TGM5: variants seen among roughly 807,000 people sequenced by gnomAD.
TGM5 encodes protein-glutamine gamma-glutamyltransferase 5.
Under a neutral mutation model 77.2 loss-of-function variants are expected in TGM5, and 69 were observed. The ratio of observed to expected loss-of-function variants is 0.89; its 90% confidence interval spans 0.74 to 1.09. The LOEUF is 1.09. Among genes scored for constraint, TGM5 ranks in the 50% least tolerant of loss-of-function variants. The pLI is 0.00. For missense variants in TGM5, 842 were observed against 896.5 expected, an observed-to-expected ratio of 0.94 and a Z score of 0.78; for synonymous variants, 346 against 351.8, an observed-to-expected ratio of 0.98 and a Z score of 0.18.
intron 1 of TGM5, chr15:43,260,783 T>A: frequency 1.5e-6 from 1 of 674,838 alleles, no homozygotes; most frequent in South Asian, 1.6e-5. Context: ...CGCTTTCCTC[T>A]TTTTTCCTTC....
chr15:43,235,341 A>T, intron 10 of TGM5, 128 bp downstream of exon 10: 1 of 1,282,864 alleles, frequency 7.8e-7, no homozygotes. Flanking sequence ...AAGGAGGGGA[A>T]TCGTGCCAGA....
intron 1 of TGM5, among the ~76,000 whole-genome samples, chr15:43,264,476 C>T (rs1004627556): frequency 2.6e-4 from 40 of 151,776 alleles, no homozygotes; most frequent in African/African-American, 9.7e-4. Flanking sequence ...TATGGATGAA[C>T]CTTGAAAATA....
chr15:43,245,902 G>A (rs879695336), intron 6 of TGM5, among the ~76,000 whole-genome samples: 1 of 147,910 alleles, frequency 6.8e-6, no homozygotes, highest in African/African-American at 2.5e-5. Context: ...TGTGTGTTGG[G>A]GGGGGGGGTC....
At chr15:43,247,877 T>A (rs2042679171) in intron 6 of TGM5, 3 of 152,162 alleles carry the variant, frequency 2.0e-5, no homozygotes, top group African/African-American at 7.2e-5. Flanking sequence ...TGCACAAAGA[T>A]AATAATATGA....
chr15:43,235,891 C>T, intron 9 of TGM5, 54 bp from the exon 10 acceptor site: 1 of 1,607,248 alleles, frequency 6.2e-7, no homozygotes, highest in Non-Finnish European at 8.5e-7. Context: ...CCGGGGTAGA[C>T]TGAGGCTGAG....
chr15:43,253,762 C>G (rs1383264751), intron 4 of TGM5, 128 bp from the exon 5 acceptor site: 4 of 1,325,372 alleles, frequency 3.0e-6, no homozygotes, highest in East Asian at 2.3e-5. Flanking sequence ...TCAAACAGAA[C>G]AGCCATGAAT....
chr15:43,245,569 T>C (rs775504632), intron 6 of TGM5, among the ~76,000 whole-genome samples: 3 of 152,164 alleles, frequency 2.0e-5, no homozygotes, highest in Non-Finnish European at 4.4e-5. Flanking sequence ...TTTTCCATGA[T>C]AATCTCCGGT....
rs532247438 is a variant in TGM5 at position 43,240,924 on chromosome 15, C to T, written c.929G>A (p.Gly310Glu). The T allele has an allele frequency of 2.7e-5, 43 of 1,614,204 alleles. No individual in the cohort carries two copies. Among genetic ancestry groups the T allele is most frequent in the Middle Eastern group, 1.6e-4 (1 of 6,062 alleles). The change falls in exon 7 of 13, where the codon GGA becomes GAA. Residue 310 changes from glycine (G) to glutamate (E), a missense_variant. Physicochemically the swap from Gly to Glu is moderately conservative, Grantham distance 98. This residue lies in a region of TGM5 where 815 missense variants were observed against 844.6 expected (regional missense o/e 0.96). Transcript: ENST00000220420. ...TNFDSGHDTD[G>E]NLIIDEYYDN... ...ATAATACTCATCTATGATCAGGTTT[C>T]CATCTGTATCGTGGCCAGAGTCGAA...
chr15:43,246,567 C>G (rs562314474), intron 6 of TGM5, among the ~76,000 whole-genome samples: 24 of 152,308 alleles, frequency 1.6e-4, no homozygotes, highest in Admixed American at 3.9e-4. Context: ...AGAGCAGCAT[C>G]CAGGCCACAA....
chr15:43,256,703 G>A lies in TGM5; in HGVS notation c.437-17C>T, dbSNP rs1221837097. Reference sequence around the variant, plus strand: ...CAGCATCCTCTAGGAACCAGAGTGGGAGGGCACGAAGCAGAAAAGTCACCT... The same window carrying A: ...CAGCATCCTCTAGGAACCAGAGTGGAAGGGCACGAAGCAGAAAAGTCACCT... On this transcript the variant is annotated splice_polypyrimidine_tract_variant and intron_variant, in intron 3 of 12. Transcript: ENST00000220420. The A allele has an allele frequency of 6.4e-7, 1 of 1,569,616 alleles. No homozygotes were observed. Among genetic ancestry groups the A allele is most frequent in the South Asian group, 1.1e-5 (1 of 90,158 alleles).
intron 6 of TGM5, among the ~76,000 whole-genome samples, chr15:43,250,504 T>A (rs825735): frequency 0.041 from 6,234 of 152,290 alleles, 257 homozygotes; most frequent in Non-Finnish European, 0.056. Context: ...CTGTCAGGGT[T>A]TTAGCACAGT....
chr15:43,246,821 G>A (rs1199233866), intron 6 of TGM5, among the ~76,000 whole-genome samples: 8 of 152,128 alleles, frequency 5.3e-5, no homozygotes, highest in Non-Finnish European at 7.4e-5. Flanking sequence ...GAGTGGAGAC[G>A]CCTCATAATA....
Position 43,233,200 on chromosome 15 carries a change from A to G in TGM5, c.2154T>C (p.Phe718=). ...CGCGTTGTTCCAGAATTTATAATGC[A>G]AAGTCTACATAAACATTCCTGTAAC... ...IKGYRNVYVD[F]AL is the part of the protein sequence containing the mutation. The change falls in exon 13 of 13, where the codon TTT becomes TTC. Residue 718 remains phenylalanine (F), a synonymous_variant. Coordinates refer to ENST00000220420, the MANE Select transcript of TGM5 (RefSeq NM_201631.4). 3 of 1,614,158 alleles carry G rather than the reference A, an allele frequency of 1.9e-6. No individual in the cohort carries two copies. Among genetic ancestry groups the G allele is most frequent in the Non-Finnish European group, 2.5e-6 (3 of 1,180,032 alleles).
chr15:43,261,952 C>T (rs1265301737), intron 1 of TGM5, among the ~76,000 whole-genome samples: 1 of 152,224 alleles, frequency 6.6e-6, no homozygotes, highest in East Asian at 1.9e-4. Flanking sequence ...AAGGCACATT[C>T]CTTAACTTGA....
chr15:43,241,082 C>A, intron 6 of TGM5, 92 bp from the exon 7 acceptor site: 1 of 1,540,740 alleles, frequency 6.5e-7, no homozygotes. Flanking sequence ...GGGAAATCTT[C>A]CATTTGCCAT....
In TGM5 at chr15:43,253,578, G is replaced by A; in HGVS notation, c.612C>T (p.Phe204=). Residue 204 remains phenylalanine (F), a synonymous_variant, in exon 5 of 13, where the codon TTC becomes TTT. Coordinates refer to ENST00000220420, the MANE Select transcript of TGM5 (RefSeq NM_201631.4). The stretch of plus-strand genomic sequence containing the variant: ...CACAGTCTGTGGCTGGGTCAGTCTG[G>A]AAGTGCAGGCTCTTGTCTAGCAGCT... The part of the protein sequence containing the change: ...CLKLLDKSLH[F]QTDPATDCAL... 6.2e-7 allele frequency: 1 copy of A among 1,613,896 alleles called. No individual in the cohort carries two copies.
chr15:43,252,853 C>T lies in TGM5; in HGVS notation c.768G>A (p.Thr256=), dbSNP rs200482481. ...ACTGCTTCAGGATGGCCACGCTGCC[C>T]GTCCACTCCGCAGGGTTGGCGCCGT... is the stretch of plus-strand genomic sequence containing the variant. ...YTDGANPAEW[T]GSVAILKQWN... is the part of the protein sequence containing the mutation. The change falls in exon 6 of 13, where the codon ACG becomes ACA. Residue 256 remains threonine (T), a synonymous_variant. Transcript: ENST00000220420. 94 of 1,613,958 alleles carry T rather than the reference C, an allele frequency of 5.8e-5. No homozygotes were observed. In the East Asian group the frequency reaches 1.3e-3, roughly 23 times the overall value.
At position 43,260,101 on chromosome 15, in the gene TGM5, C is replaced by A. The variant is rs781570609; in HGVS notation, c.387G>T (p.Thr129=). Residue 129 remains threonine, a synonymous_variant, in exon 3 of 13, where the codon ACG becomes ACT. Transcript: ENST00000220420. ...GGATGAACTCCCCTAGCTGGTAGGC[C>A]GTCACAGACCCCTGGAAGGAGTCGA... The part of the protein sequence containing the change: ...IHIDSFQGSV[T]AYQLGEFILL... The A allele has an allele frequency of 1.9e-6, 3 of 1,614,110 alleles. No individual in the cohort carries two copies. The highest frequency in any genetic ancestry group is 2.5e-6 in the Non-Finnish European group (3 of 1,180,026).
chr15:43,252,403 G>A (rs1251962925), intron 6 of TGM5, among the ~76,000 whole-genome samples: 1 of 151,914 alleles, frequency 6.6e-6, no homozygotes, highest in Non-Finnish European at 1.5e-5. Flanking sequence ...TGCAACCTCT[G>A]CCCCCCCGGG....
Sources: gnomAD v4.1 joint callset for allele counts (sites outside exome capture counted in the v4.1 genomes callset) on GRCh38, gnomAD v4.1.1 for gene constraint, gnomAD v4.1.1 regional missense constraint, MANE v1.5 for transcripts, NCBI Gene and HGNC (gene_info 2026-07-23, HGNC 2026-07-21) for gene names.